Variants in PLEKHG2 observed in about 807,000 individuals in gnomAD.
PLEKHG2 encodes the protein pleckstrin homology and RhoGEF domain containing G2.
Under a neutral mutation model 104.4 loss-of-function variants are expected in PLEKHG2, and 71 were observed. The ratio of observed to expected loss-of-function variants is 0.68; its 90% CI spans 0.56 to 0.83. The LOEUF (loss-of-function observed/expected upper bound fraction) is 0.83. Among genes scored for constraint, PLEKHG2 ranks in the 40% least tolerant of loss-of-function variants. PLEKHG2 has a pLI of 0.00. For synonymous variants in PLEKHG2, 728 were observed against 737.0 expected, an observed-to-expected ratio of 0.99 and a Z score of 0.20; for missense variants, 1,730 against 1,809.4, an observed-to-expected ratio of 0.96 and a Z score of 0.80.
rs1779373655 is a variant in PLEKHG2 at position 39,412,921 on chromosome 19, A to C, written c.-514A>C. 1 of 151,986 alleles carries C rather than the reference A, an allele frequency of 6.6e-6. No individual in the cohort carries two copies. Among genetic ancestry groups the C allele is most frequent in the Non-Finnish European group, 1.5e-5 (1 of 67,980 alleles). 9.4% of individuals were successfully genotyped at this position (151,986 alleles called of 1,614,324 possible). On this transcript the variant is annotated 5_prime_UTR_variant, in exon 1 of 19. Transcript: ENST00000425673. ...AGCGCCCCGTATCCCCGTTTCAAGA[A>C]CTCAGGATCCAGGACCGCAGACTCC...
At chr19:39,422,328 G>A (rs1400128889) in intron 17 of PLEKHG2, 40 bp downstream of exon 17, 2 of 1,587,398 alleles carry the variant, frequency 1.3e-6, no homozygotes, top group Non-Finnish European at 1.7e-6. Context: ...TGGGCCTCTG[G>A]GTGTGGGCAC....
In PLEKHG2 at chr19:39,414,659, A is replaced by G. The variant is rs1020931451; in HGVS notation, c.110-333A>G. On this transcript the variant is annotated intron_variant, in intron 2 of 18. Coordinates refer to ENST00000425673, the MANE Select transcript of PLEKHG2 (RefSeq NM_022835.3). Reference sequence around the variant, plus strand: ...GGGATCTGTGTTGGCCACATTGCCCAGTGCCCTGTGGATCTGAGGAGTTTG... The same window carrying G: ...GGGATCTGTGTTGGCCACATTGCCCGGTGCCCTGTGGATCTGAGGAGTTTG... 2.0e-5 allele frequency among the ~76,000 whole-genome samples: 3 copies of G among 152,200 alleles called. No homozygotes were observed. In the South Asian group the frequency reaches 6.2e-4, roughly 32 times the overall value.
At chr19:39,418,201 T>C (rs2078639867) in intron 9 of PLEKHG2, 96 bp downstream of exon 9, 2 of 1,110,286 alleles carry the variant, frequency 1.8e-6, no homozygotes, top group Non-Finnish European at 1.2e-6. Flanking sequence ...CAGGGGACCC[T>C]GCCACATTTT....
rs377295123 is a variant in PLEKHG2, at chr19:39,422,820, G to T, written c.1766G>T (p.Arg589Leu). Residue 589 changes from arginine to leucine, a missense_variant, in exon 18 of 19, where the codon CGG becomes CTG. Physicochemically the swap from Arg to Leu is moderately radical, Grantham distance 102. Coordinates refer to ENST00000425673, the MANE Select transcript of PLEKHG2 (RefSeq NM_022835.3). ...CTCACATTCCAAGCCCTGCCCAGCC[G>T]GGACTCTTCAGAAGAGGAGGAGGAG... Reference protein sequence around the residue: ...ETLTFQALPSRDSSEEEEEEE... With the variant: ...ETLTFQALPSLDSSEEEEEEE... The T allele has an allele frequency of 6.4e-7, 1 of 1,551,408 alleles. No individual in the cohort carries two copies.
chr19:39,420,851 A>G lies in PLEKHG2; in HGVS notation c.1398A>G (p.Thr466=). Residue 466 remains threonine (T), a splice_region_variant and synonymous_variant, in exon 13 of 19, where the codon ACA becomes ACG. Transcript: ENST00000425673. ...ARSFTPGRRN[T]APSPGPSVIR... ...GTTTTACCCCTGGGCGAAGGAACAC[A>G]GGTAAAGGCGGTGGATCCCTGAGTC... The G allele has an allele frequency of 1.9e-6, 3 of 1,614,160 alleles. No homozygotes were observed. The highest frequency in any genetic ancestry group is 1.7e-6 in the Non-Finnish European group (2 of 1,180,020).
intron 11 of PLEKHG2, 141 bp downstream of exon 11, chr19:39,419,144 T>G: frequency 1.3e-6 from 1 of 764,774 alleles, no homozygotes; most frequent in Non-Finnish European, 2.0e-6. Context: ...CTACTTGGGT[T>G]TGAATCTTAG....
At position 39,416,082 on chromosome 19, in the gene PLEKHG2, G is replaced by T. The variant is rs1335962042; in HGVS notation, c.480-266G>T. 6.6e-6 allele frequency among the ~76,000 whole-genome samples: 1 copy of T among 152,138 alleles called. No individual in the cohort carries two copies. Among genetic ancestry groups the T allele is most frequent in the Non-Finnish European group, 1.5e-5 (1 of 68,016 alleles). ...AGATCATCCTAGCTCTTTGGGTCAT[G>T]ATATAACACCCCTAGGCTCATGCCA... On this transcript the variant is annotated intron_variant, in intron 4 of 18. Transcript: ENST00000425673. This position sits in a 1 kb window ranked among gnomAD's most constrained non-coding sequence, Gnocchi z 4.5.
chr19:39,424,630 A>G lies in PLEKHG2; in HGVS notation c.3497A>G (p.Gln1166Arg). 1 of 1,614,124 alleles carries G rather than the reference A, an allele frequency of 6.2e-7. No individual in the cohort carries two copies. The highest frequency in any genetic ancestry group is 8.5e-7 in the Non-Finnish European group (1 of 1,180,018). Reference sequence around the variant, plus strand: ...CAAGCCCTCCCAACTTCACCCAAGCAGGGAAGCCTCCCAGACATCCAGGGT... The same window carrying G: ...CAAGCCCTCCCAACTTCACCCAAGCGGGGAAGCCTCCCAGACATCCAGGGT... ...WVQALPTSPK[Q>R]GSLPDIQGPA... The change falls in exon 19 of 19, where the codon CAG becomes CGG. Residue 1166 changes from glutamine to arginine, a missense_variant. Transcript: ENST00000425673.
chr19:39,418,192 A>G, intron 9 of PLEKHG2, 87 bp downstream of exon 9: 4 of 1,172,778 alleles, frequency 3.4e-6, no homozygotes, highest in South Asian at 2.7e-5. Flanking sequence ...AGTGTGGGCC[A>G]GGGGACCCTG....
Position 39,417,619 on chromosome 19 carries a change from T to C in PLEKHG2, c.809T>C (p.Ile270Thr), listed in dbSNP as rs1043538522. The C allele has an allele frequency of 1.5e-5, 25 of 1,614,048 alleles. No homozygotes were observed. Among genetic ancestry groups the C allele is most frequent in the East Asian group, 2.2e-5 (1 of 44,848 alleles). Residue 270 changes from isoleucine to threonine, a missense_variant, in exon 8 of 19, where the codon ATT (isoleucine) becomes ACT (threonine). By Grantham distance (89) the Ile-to-Thr change is moderately conservative. Coordinates refer to ENST00000425673, the MANE Select transcript of PLEKHG2 (RefSeq NM_022835.3). ...TGGREMVEEA[I>T]VSMTAVAWYI... The stretch of plus-strand genomic sequence containing the variant: ...GGTCGCGAGATGGTGGAGGAAGCTA[T>C]TGTGTCCATGACAGCGGTTGCCTGG...
Position 39,417,998 on chromosome 19 carries a change from G to A in PLEKHG2, c.976G>A (p.Gly326Ser). ...GGGCGCGTTCCGAGGAGGCGGAGGG[G>A]GTGGCCCCCGGCTACGAGGGGGTGA... is the stretch of plus-strand genomic sequence containing the variant. ...LEGAFRGGGG[G>S]GPRLRGGERL... Residue 326 changes from glycine (G) to serine (S), a missense_variant, in exon 9 of 19, where the codon GGT becomes AGT. Gly to Ser is a moderately conservative substitution (Grantham distance 56, BLOSUM62 0). Transcript: ENST00000425673. 3.2e-6 allele frequency: 5 copies of A among 1,555,096 alleles called. No homozygotes were observed. Among genetic ancestry groups the A allele is most frequent in the Non-Finnish European group, 4.3e-6 (5 of 1,152,452 alleles).
In PLEKHG2 at chr19:39,424,399, G is replaced by T. The variant is rs942555318; in HGVS notation, c.3266G>T (p.Gly1089Val). 6.2e-7 allele frequency: 1 copy of T among 1,613,854 alleles called. No homozygotes were observed. Among genetic ancestry groups the T allele is most frequent in the African/African-American group, 1.3e-5 (1 of 74,836 alleles). ...SWHGSSLDPQ[G>V]PGDTLPPLPC... The stretch of plus-strand genomic sequence containing the variant: ...CATGGAAGCAGCCTGGATCCCCAGG[G>T]CCCAGGCGACACCCTACCACCCTTG... The change falls in exon 19 of 19, where the codon GGC (glycine) becomes GTC (valine). Residue 1089 changes from glycine (G) to valine (V), a missense_variant. Coordinates refer to ENST00000425673, the MANE Select transcript of PLEKHG2 (RefSeq NM_022835.3).
In PLEKHG2 at chr19:39,415,444, G is replaced by GGGGCAGGGGGGAC. The variant is rs776108129; in HGVS notation, c.479+6_479+18dup. 1 of 1,613,814 alleles carries GGGGCAGGGGGGAC rather than the reference G, an allele frequency of 6.2e-7. No homozygotes were observed. Among genetic ancestry groups the GGGGCAGGGGGGAC allele is most frequent in the Non-Finnish European group, 8.5e-7 (1 of 1,179,948 alleles). On this transcript the variant is annotated splice_donor_region_variant and intron_variant, in intron 4 of 18. Transcript: ENST00000425673. This position sits in a 1 kb window ranked among gnomAD's most constrained non-coding sequence, Gnocchi z 4.6. Reference sequence around the variant, plus strand: ...GGACATCTACGAGTTCAGCAGGTCAGGGGCAGGGGGGACAGGCAGGGGGCA... The same window carrying GGGGCAGGGGGGAC: ...GGACATCTACGAGTTCAGCAGGTCAGGGGCAGGGGGGACGGGCAGGGGGGACAGGCAGGGGGCA...
chr19:39,417,748 G>C, intron 8 of PLEKHG2, 56 bp downstream of exon 8: 1 of 1,530,952 alleles, frequency 6.5e-7, no homozygotes, highest in Non-Finnish European at 8.8e-7. Flanking sequence ...AGGGGGCCTT[G>C]GGGCGGGTGG....
chr19:39,418,191 CA>C (rs1388999928), intron 9 of PLEKHG2, 86 bp downstream of exon 9: 2 of 1,174,134 alleles, frequency 1.7e-6, no homozygotes, highest in Non-Finnish European at 1.1e-6. Flanking sequence ...CAGTGTGGGC[CA>C]GGGGACCCTG....
chr19:39,417,097 G>A lies in PLEKHG2; in HGVS notation c.744+97G>A. The A allele has an allele frequency of 5.0e-6, 7 of 1,389,334 alleles. No individual in the cohort carries two copies. The South Asian group carries it at 8.6e-5, about 17-fold the overall frequency. The allele number at this position is 1,389,334 out of a possible 1,614,324, so 86.1% of individuals were successfully genotyped here. Reference sequence around the variant, plus strand: ...GGAGGATGGACCCCCCACGAGTTGGGCAAGGCCTCCCAAAGTGCTGGGATT... The same window carrying A: ...GGAGGATGGACCCCCCACGAGTTGGACAAGGCCTCCCAAAGTGCTGGGATT... On this transcript the variant is annotated intron_variant, in intron 7 of 18. Transcript: ENST00000425673.
In PLEKHG2 at chr19:39,424,090, C is replaced by T; in HGVS notation, c.2957C>T (p.Thr986Ile). 1 of 1,614,094 alleles carries T rather than the reference C, an allele frequency of 6.2e-7. No individual in the cohort carries two copies. Residue 986 changes from threonine (T) to isoleucine (I), a missense_variant, in exon 19 of 19, where the codon ACT becomes ATT. Thr to Ile is a moderately conservative substitution (Grantham distance 89). Transcript: ENST00000425673. ...CCAGAAATCCAAGTTCCAGCCACCA[C>T]TCCTTTGCCTGAGCATAGAAGTCAC... ...GHPEIQVPATTPLPEHRSHMV... is the reference protein window; with the variant it reads ...GHPEIQVPATIPLPEHRSHMV...
chr19:39,420,344 A>C (rs936057244), intron 11 of PLEKHG2, among the ~76,000 whole-genome samples: 10 of 150,874 alleles, frequency 6.6e-5, no homozygotes, highest in Non-Finnish European at 1.0e-4. Flanking sequence ...CGGCAACAAG[A>C]GCAAAATCTC....
In PLEKHG2 at chr19:39,428,020, C is replaced by G. The variant is rs1338488753; in HGVS notation, c.*2726C>G. 6.6e-6 allele frequency: 1 copy of G among 152,082 alleles called. No individual in the cohort carries two copies. Among genetic ancestry groups the G allele is most frequent in the Non-Finnish European group, 1.5e-5 (1 of 68,038 alleles). 9.4% of individuals were successfully genotyped at this position (152,082 alleles called of 1,614,324 possible). A position where few individuals can be genotyped will look rare whatever the true frequency, so the allele number is the denominator to read the frequency against. On this transcript the variant is annotated 3_prime_UTR_variant, in exon 19 of 19. Transcript: ENST00000425673. ...GAGTTCGAGACCACACCAGCCTGGC[C>G]AACATGGTGAAATCCCGTCTTTACT...
Sources: allele counts gnomAD v4.1 joint callset (sites outside exome capture counted in the v4.1 genomes callset), GRCh38; gene constraint gnomAD v4.1.1; non-coding constraint Gnocchi (gnomAD v3.1); transcripts MANE v1.5; gene names NCBI Gene and HGNC (gene_info 2026-07-23, HGNC 2026-07-21).